The following TERF2 variants were observed in gnomAD, a reference collection of about 807,000 sequenced individuals.
The protein encoded by TERF2 is telomeric repeat-binding factor 2.
TERF2 carries 16 observed loss-of-function variants against 56.1 expected under a neutral mutation model. The ratio of observed to expected loss-of-function variants is 0.29; its 90% CI spans 0.19 to 0.43. TERF2 has a LOEUF of 0.43. TERF2 is among the 20% of genes least tolerant of loss of function. The pLI is 1.00. For missense variants in TERF2, 547 were observed against 712.9 expected (o/e 0.77, Z 2.65); for synonymous variants, 296 against 282.1 (o/e 1.05, Z -0.50).
rs767578818 is a variant in TERF2 at position 69,384,685 on chromosome 16, C to T, written c.501G>A (p.Glu167=). ...TGATAGCTGATTCCAGTGGTGTGAG[C>T]TCAGCCTCCATATCAAAGGAACAGT... The part of the protein sequence containing the change: ...NLDCSFDMEA[E]LTPLESAINV... The change falls in exon 3 of 10, where the codon GAG becomes GAA. Residue 167 remains glutamate, a synonymous_variant. Transcript: ENST00000254942. 12 of 1,613,964 alleles carry T rather than the reference C, an allele frequency of 7.4e-6. No individual in the cohort carries two copies. Among genetic ancestry groups the T allele is most frequent in the Non-Finnish European group, 9.3e-6 (11 of 1,180,008 alleles).
At chr16:69,385,095 A>G (rs1048232908) in intron 2 of TERF2, among the ~76,000 whole-genome samples, 5 of 152,232 alleles carry the variant, frequency 3.3e-5, no homozygotes, top group African/African-American at 1.2e-4. Context: ...ACTCTCTACC[A>G]TGGGGGAAAA....
Position 69,384,721 on chromosome 16 carries a change from GCA to G in TERF2, c.476-13_476-12del, listed in dbSNP as rs1491389995. The G allele has an allele frequency of 5.7e-6, 9 of 1,566,020 alleles. No homozygotes were observed. Among genetic ancestry groups the G allele is most frequent in the East Asian group, 2.3e-5 (1 of 43,658 alleles). On this transcript the variant is annotated splice_polypyrimidine_tract_variant and intron_variant, in intron 2 of 9. Coordinates refer to ENST00000254942, the MANE Select transcript of TERF2 (RefSeq NM_005652.5). ...TATCAAAGGAACAGTCTAGGACAAA[GCA>G]CAGTTTTCATTTTTAAGCTCTTTTC...
At chr16:69,368,603 T>G in intron 5 of TERF2, 121 bp from the exon 6 acceptor site, 1 of 1,544,994 alleles carries the variant, frequency 6.5e-7, no homozygotes, top group Non-Finnish European at 8.7e-7. Flanking sequence ...AATCTAGGCA[T>G]AAAACGAAGG....
chr16:69,375,342 T>A (rs2013738870), intron 3 of TERF2, among the ~76,000 whole-genome samples: 1 of 152,210 alleles, frequency 6.6e-6, no homozygotes, highest in Non-Finnish European at 1.5e-5. Flanking sequence ...AGTAGCTGTA[T>A]CATCCCGCAT....
At chr16:69,360,334 G>A (rs908555630) in intron 8 of TERF2, among the ~76,000 whole-genome samples, 1 of 151,258 alleles carries the variant, frequency 6.6e-6, no homozygotes, top group Non-Finnish European at 1.5e-5. Flanking sequence ...GCAGTGAGCC[G>A]AGATCGCACC....
At position 69,385,945 on chromosome 16, in the gene TERF2, G is replaced by A. The variant is rs886142329; in HGVS notation, c.27C>T (p.Gly9=). 3 of 1,364,024 alleles carry A rather than the reference G, an allele frequency of 2.2e-6. No individual in the cohort carries two copies. Among genetic ancestry groups the A allele is most frequent in the Non-Finnish European group, 1.9e-6 (2 of 1,058,112 alleles). The allele number at this position is 1,364,024 out of a possible 1,614,324, so 84.5% of individuals were successfully genotyped here. Residue 9 remains glycine (G), a synonymous_variant, in exon 1 of 10, where the codon GGC becomes GGT. Coordinates refer to ENST00000254942, the MANE Select transcript of TERF2 (RefSeq NM_005652.5). The part of the protein sequence containing the change: MAAGAGTA[G]PASGPGVVRD... ...GCACGACGCCCGGGCCGGAAGCGGG[G>A]CCCGCCGTCCCGGCTCCCGCGGCCA...
chr16:69,368,023 T>G (rs1442055100), intron 6 of TERF2, among the ~76,000 whole-genome samples: 1 of 152,202 alleles, frequency 6.6e-6, no homozygotes. Flanking sequence ...TGACCCCTGC[T>G]TTAGGAACTG....
At chr16:69,377,030 AT>A (rs2013817389) in intron 3 of TERF2, among the ~76,000 whole-genome samples, 1 of 151,582 alleles carries the variant, frequency 6.6e-6, no homozygotes, top group South Asian at 2.1e-4. Flanking sequence ...GTGAAACCCT[AT>A]CTCTACTAAA....
chr16:69,372,763 CA>C (rs913098588), intron 3 of TERF2, among the ~76,000 whole-genome samples: 2 of 151,452 alleles, frequency 1.3e-5, no homozygotes, highest in Non-Finnish European at 2.9e-5. Flanking sequence ...AACTCCATCT[CA>C]AAAAAAACAA....
intron 3 of TERF2, among the ~76,000 whole-genome samples, chr16:69,382,944 G>C (rs1480489337): frequency 6.6e-6 from 1 of 152,190 alleles, no homozygotes; most frequent in Non-Finnish European, 1.5e-5. Flanking sequence ...CTAGTACGTG[G>C]TGGAGACTGG....
chr16:69,369,110 G>GTTCATCTGTCTCTCTCT, intron 5 of TERF2, among the ~76,000 whole-genome samples: 1 of 148,470 alleles, frequency 6.7e-6, no homozygotes, highest in African/African-American at 2.5e-5. Context: ...AGGCTAATCA[G>GTTCATCTGTCTCTCTCT]GGCTCTTTGT....
rs1169462948 is a variant in TERF2, at chr16:69,385,684, G to A, written c.288C>T (p.Arg96=). The A allele has an allele frequency of 1.2e-6, 2 of 1,608,900 alleles. No individual in the cohort carries two copies. Among genetic ancestry groups the A allele is most frequent in the Non-Finnish European group, 8.5e-7 (1 of 1,178,636 alleles). ...CGTGGAAGTAGAACTTGAGCACCCAGCGATTGACTGCCTCTTCCAGCCGTG... is the reference window on the plus strand; with the variant it reads ...CGTGGAAGTAGAACTTGAGCACCCAACGATTGACTGCCTCTTCCAGCCGTG... ...GEARLEEAVN[R]WVLKFYFHEA... Residue 96 remains arginine, a synonymous_variant, in exon 1 of 10, where the codon CGC becomes CGT. Transcript: ENST00000254942.
At chr16:69,364,168 A>G (rs1233537630) in intron 7 of TERF2, among the ~76,000 whole-genome samples, 1 of 152,092 alleles carries the variant, frequency 6.6e-6, no homozygotes, top group Non-Finnish European at 1.5e-5. Context: ...AACACATGCT[A>G]TGTGCAAGGT....
chr16:69,364,935 G>A (rs896622224), intron 7 of TERF2: 1 of 152,228 alleles, frequency 6.6e-6, no homozygotes, highest in Non-Finnish European at 1.5e-5. Flanking sequence ...ACAGAAAGCA[G>A]CCCTAGATAA....
intron 3 of TERF2, among the ~76,000 whole-genome samples, chr16:69,380,619 T>TA (rs1334287906): frequency 6.7e-6 from 1 of 148,290 alleles, no homozygotes; most frequent in Non-Finnish European, 1.5e-5. Context: ...ATCACGCCAC[T>TA]ATACTCCAGC....
At chr16:69,379,668 A>C (rs1320098384) in intron 3 of TERF2, among the ~76,000 whole-genome samples, 1 of 152,230 alleles carries the variant, frequency 6.6e-6, no homozygotes, top group African/African-American at 2.4e-5. Flanking sequence ...CTGTATTAGA[A>C]ACATAAATCA....
At chr16:69,360,992 G>A (rs1333322633) in intron 8 of TERF2, among the ~76,000 whole-genome samples, 1 of 151,928 alleles carries the variant, frequency 6.6e-6, no homozygotes, top group Non-Finnish European at 1.5e-5. Flanking sequence ...CAGCACTCTG[G>A]GAGGCTGAGG....
rs1181386175 is a variant in TERF2 at position 69,361,292 on chromosome 16, T to C, written c.1426+112A>G. On this transcript the variant is annotated intron_variant, in intron 8 of 9. Coordinates refer to ENST00000254942, the MANE Select transcript of TERF2 (RefSeq NM_005652.5). Reference sequence around the variant, plus strand: ...AATTAAAATGAGATCGGGAACTTACTGAACTTTTTCTAGTTCGGAGACAAG... The same window carrying C: ...AATTAAAATGAGATCGGGAACTTACCGAACTTTTTCTAGTTCGGAGACAAG... The C allele has an allele frequency of 1.0e-5, 8 of 771,728 alleles. No homozygotes were observed. The East Asian group carries it at 1.7e-4, about 17-fold the overall frequency. The allele number at this position is 771,728 out of a possible 1,614,324, so 47.8% of individuals were successfully genotyped here.
At chr16:69,357,993 C>A (rs549878107) in intron 8 of TERF2, among the ~76,000 whole-genome samples, 1 of 151,316 alleles carries the variant, frequency 6.6e-6, no homozygotes, top group African/African-American at 2.4e-5. Context: ...CAGGCGCCCG[C>A]CACCACGCCC....
Sources: gnomAD v4.1 joint callset for allele counts (sites outside exome capture counted in the v4.1 genomes callset) on GRCh38, gnomAD v4.1.1 for gene constraint, MANE v1.5 for transcripts, NCBI Gene and HGNC (gene_info 2026-07-23, HGNC 2026-07-21) for gene names.